The following TBC1D9 variants were observed in gnomAD, a reference collection of about 807,000 sequenced individuals.
TBC1D9 encodes TBC1 domain family member 9.
TBC1D9 carries 63 observed loss-of-function variants against 132.0 expected under a neutral mutation model. That is an observed-to-expected ratio of 0.48 (90% CI 0.39 to 0.59). The LOEUF is 0.59. TBC1D9 is among the 20% of genes least tolerant of loss of function. TBC1D9 has a pLI of 0.00. For synonymous variants in TBC1D9, 610 were observed against 609.9 expected (o/e 1.00, Z 0.00); for missense variants, 1,261 against 1,592.7 (o/e 0.79, Z 3.54).
chr4:140,657,196 G>A lies in TBC1D9; in HGVS notation c.2238C>T (p.Ser746=), dbSNP rs1737287526. The change falls in exon 13 of 21, where the codon AGC becomes AGT. Residue 746 remains serine, a synonymous_variant. Transcript: ENST00000442267. ...RYLDSVTNKD[S]TLPPIPHLHS... ...GGAGGTGAGGAATGGGAGGCAGTGTGCTGTCTTTATTGGTCACACTGTCTA... is the reference window on the plus strand; with the variant it reads ...GGAGGTGAGGAATGGGAGGCAGTGTACTGTCTTTATTGGTCACACTGTCTA... 6.2e-7 allele frequency: 1 copy of A among 1,613,894 alleles called. No individual in the cohort carries two copies. The highest frequency in any genetic ancestry group is 1.1e-5 in the South Asian group (1 of 91,078).
At chr4:140,678,891 G>T in intron 5 of TBC1D9, 51 bp downstream of exon 5, 1 of 1,580,960 alleles carries the variant, frequency 6.3e-7, no homozygotes, top group South Asian at 1.2e-5. Context: ...AAATGAATGA[G>T]TGAGTTTCTC....
At chr4:140,718,062 C>T (rs557065361) in intron 1 of TBC1D9, among the ~76,000 whole-genome samples, 5 of 152,206 alleles carry the variant, frequency 3.3e-5, no homozygotes, top group South Asian at 2.1e-4. Flanking sequence ...CTTTACTCTA[C>T]AATATTTCTA....
At chr4:140,656,948 G>T in intron 13 of TBC1D9, 149 bp downstream of exon 13, 2 of 984,026 alleles carry the variant, frequency 2.0e-6, no homozygotes, top group South Asian at 2.2e-5. Flanking sequence ...CCAATGCCTT[G>T]ATTTGGGGCG....
chr4:140,649,881 T>G, intron 13 of TBC1D9, among the ~76,000 whole-genome samples: 1 of 152,206 alleles, frequency 6.6e-6, no homozygotes, highest in East Asian at 1.9e-4. Flanking sequence ...CATGACTATA[T>G]TCCCATCAGG....
At chr4:140,743,805 C>T (rs1409915965) in intron 1 of TBC1D9, among the ~76,000 whole-genome samples, 1 of 152,146 alleles carries the variant, frequency 6.6e-6, no homozygotes, top group East Asian at 1.9e-4. Context: ...TCTGACTCTT[C>T]ATAAAGTGGG....
intron 2 of TBC1D9, among the ~76,000 whole-genome samples, chr4:140,701,197 C>T (rs1404463857): frequency 1.3e-5 from 2 of 152,128 alleles, no homozygotes; most frequent in African/African-American, 4.8e-5. Context: ...GGAAGTTAAA[C>T]ACAGATGTGC....
chr4:140,658,224 T>G (rs1441088594), intron 11 of TBC1D9, among the ~76,000 whole-genome samples: 3 of 152,196 alleles, frequency 2.0e-5, no homozygotes, highest in African/African-American at 7.2e-5. Context: ...AAATCTGTCA[T>G]GTGAACATCT....
At chr4:140,655,394 T>C (rs1737251867) in intron 13 of TBC1D9, among the ~76,000 whole-genome samples, 1 of 152,228 alleles carries the variant, frequency 6.6e-6, no homozygotes, top group African/African-American at 2.4e-5. Flanking sequence ...CTAAATTTTT[T>C]ACTTTAAGAG....
At chr4:140,726,535 T>G (rs1269988979) in intron 1 of TBC1D9, among the ~76,000 whole-genome samples, 1 of 152,108 alleles carries the variant, frequency 6.6e-6, no homozygotes, top group Non-Finnish European at 1.5e-5. Flanking sequence ...CTTGAAATGG[T>G]GTTACTTAAA....
intron 1 of TBC1D9, among the ~76,000 whole-genome samples, chr4:140,710,975 A>G (rs1041220780): frequency 1.3e-5 from 2 of 152,126 alleles, no homozygotes; most frequent in Non-Finnish European, 1.5e-5. Context: ...TGGCCTTGAA[A>G]CCCCAGCAGT....
intron 6 of TBC1D9, among the ~76,000 whole-genome samples, chr4:140,673,445 G>T (rs1737568746): frequency 6.6e-6 from 1 of 152,142 alleles, no homozygotes; most frequent in Non-Finnish European, 1.5e-5. Context: ...GGTTCTGAAA[G>T]GTACCCAGCT....
In TBC1D9 at chr4:140,692,774, C is replaced by T. The variant is rs181416429; in HGVS notation, c.242-6312G>A. ...GTGGCTCACACCTGTAATCCCAGCACTTTGAGGGGCCAAGGCAGGTGGATC... is the reference window on the plus strand; with the variant it reads ...GTGGCTCACACCTGTAATCCCAGCATTTTGAGGGGCCAAGGCAGGTGGATC... On this transcript the variant is annotated intron_variant, in intron 2 of 20. Coordinates refer to ENST00000442267, the MANE Select transcript of TBC1D9 (RefSeq NM_015130.3). Among the ~76,000 whole-genome samples, 90 of 152,270 alleles carry T rather than the reference C, an allele frequency of 5.9e-4. 1 individual carries two copies. In the East Asian group the frequency reaches 0.017, roughly 28 times the overall value.
chr4:140,723,826 T>C (rs536348938), intron 1 of TBC1D9, among the ~76,000 whole-genome samples: 2 of 152,294 alleles, frequency 1.3e-5, no homozygotes, highest in Admixed American at 1.3e-4. Context: ...GGTGTGATCA[T>C]AGCTCAGACT....
chr4:140,644,274 G>T, intron 13 of TBC1D9: 1 of 304,100 alleles, frequency 3.3e-6, no homozygotes, highest in African/African-American at 2.3e-5. Context: ...CACGTTGTCG[G>T]GGGTCTCTTC....
intron 17 of TBC1D9, among the ~76,000 whole-genome samples, chr4:140,627,737 C>G (rs1378633605): frequency 1.3e-5 from 2 of 152,126 alleles, no homozygotes; most frequent in African/African-American, 2.4e-5. Flanking sequence ...CAACCCCACA[C>G]CAAAGTGTTC....
intron 3 of TBC1D9, 93 bp downstream of exon 3, chr4:140,686,251 A>G (rs1381383055): frequency 1.2e-6 from 1 of 803,766 alleles, no homozygotes; most frequent in African/African-American, 1.7e-5. Flanking sequence ...GGCAAAGGGT[A>G]TACAGGTATG....
intron 10 of TBC1D9, among the ~76,000 whole-genome samples, chr4:140,661,609 C>T (rs958093260): frequency 2.0e-5 from 3 of 152,204 alleles, no homozygotes; most frequent in African/African-American, 7.2e-5. Context: ...GATTCTGCCT[C>T]TCAGACATCT....
chr4:140,703,434 G>C (rs1418349555), intron 1 of TBC1D9, among the ~76,000 whole-genome samples: 1 of 152,184 alleles, frequency 6.6e-6, no homozygotes, highest in African/African-American at 2.4e-5. Context: ...CCATAATCTA[G>C]TCAACTCATG....
chr4:140,735,294 A>C (rs1330365335), intron 1 of TBC1D9, among the ~76,000 whole-genome samples: 1 of 152,184 alleles, frequency 6.6e-6, no homozygotes, highest in Non-Finnish European at 1.5e-5. Flanking sequence ...GATCTGGCTC[A>C]TGAATAAGAG....
Sources: allele counts gnomAD v4.1 joint callset (sites outside exome capture counted in the v4.1 genomes callset), GRCh38; gene constraint gnomAD v4.1.1; transcripts MANE v1.5; gene names NCBI Gene and HGNC (gene_info 2026-07-23, HGNC 2026-07-21).